SNX29: variants seen among roughly 807,000 people sequenced by gnomAD.
The protein encoded by SNX29 is sorting nexin 29.
SNX29 carries 78 observed loss-of-function variants against 102.1 expected under a neutral mutation model. That is an observed-to-expected ratio of 0.76 (90% CI 0.64 to 0.92). SNX29 has a LOEUF of 0.92. SNX29 is among the 40% of genes least tolerant of loss of function. SNX29 has a pLI of 0.00. For missense variants in SNX29, 1,280 were observed against 1,061.7 expected, an observed-to-expected ratio of 1.21 and a Z score of -2.86; for synonymous variants, 580 against 414.5, an observed-to-expected ratio of 1.40 and a Z score of -4.85.
At position 12,390,149 on chromosome 16, in the gene SNX29, G is replaced by GGGGTGTGTGT. The variant is rs55953631; in HGVS notation, c.1900-8296_1900-8295insGGTGTGTGTG. On this transcript the variant is annotated intron_variant, in intron 16 of 20. Coordinates refer to ENST00000566228, the MANE Select transcript of SNX29 (RefSeq NM_032167.5). ...TGTTACCCCGTGCGTGCAATTGAGG[G>GGGGTGTGTGT]GTGTGTGTGTGTGTGTGTGTGTGTG... 6.9e-3 allele frequency among the ~76,000 whole-genome samples: 1,009 copies of GGGGTGTGTGT among 145,666 alleles called. 9 individuals carry two copies. Among genetic ancestry groups the GGGGTGTGTGT allele is most frequent in the East Asian group, 0.039 (189 of 4,806 alleles).
At chr16:12,120,807 A>T (rs1426688549) in intron 11 of SNX29, among the ~76,000 whole-genome samples, 1 of 152,068 alleles carries the variant, frequency 6.6e-6, no homozygotes, top group African/African-American at 2.4e-5. Context: ...AGGTCATGGT[A>T]ATGATGTATG....
intron 14 of SNX29, among the ~76,000 whole-genome samples, chr16:12,273,635 G>C (rs932366478): frequency 5.3e-5 from 8 of 152,268 alleles, no homozygotes; most frequent in East Asian, 3.9e-4. Context: ...TGGGATTACA[G>C]GCGTGAGCCA....
chr16:12,536,582 C>T (rs1445111749), intron 20 of SNX29, among the ~76,000 whole-genome samples: 2 of 152,140 alleles, frequency 1.3e-5, no homozygotes, highest in Non-Finnish European at 2.9e-5. Context: ...AGAGTTCACA[C>T]CTAGCACAGA....
chr16:12,416,904 T>C (rs972457113), intron 18 of SNX29, among the ~76,000 whole-genome samples: 86 of 152,276 alleles, frequency 5.6e-4, no homozygotes, highest in Admixed American at 3.5e-3. Context: ...AGGGGTGACA[T>C]TGCAACATGA....
At chr16:12,300,612 G>A (rs570926496) in intron 15 of SNX29, among the ~76,000 whole-genome samples, 4 of 152,260 alleles carry the variant, frequency 2.6e-5, no homozygotes, top group South Asian at 4.2e-4. Flanking sequence ...AGAGAGAATA[G>A]CAACACAAGA....
intron 11 of SNX29, among the ~76,000 whole-genome samples, chr16:12,124,765 A>G (rs350201): frequency 0.39 from 59,623 of 151,992 alleles, 12,562 homozygotes; most frequent in African/African-American, 0.55. Flanking sequence ...ATCAGTTTCC[A>G]TTGGTTGAAA....
intron 14 of SNX29, among the ~76,000 whole-genome samples, chr16:12,262,990 T>C (rs1206924101): frequency 2.6e-5 from 4 of 152,202 alleles, no homozygotes; most frequent in African/African-American, 9.6e-5. Flanking sequence ...AGCTCCTTCA[T>C]GTGCAGAATG....
At chr16:12,219,601 G>A (rs1411123228) in intron 14 of SNX29, among the ~76,000 whole-genome samples, 1 of 152,178 alleles carries the variant, frequency 6.6e-6, no homozygotes, top group African/African-American at 2.4e-5. Context: ...TTGTCTGTTC[G>A]TGAAGACCAT....
At chr16:12,343,517 T>C (rs2081677711) in intron 15 of SNX29, among the ~76,000 whole-genome samples, 1 of 152,116 alleles carries the variant, frequency 6.6e-6, no homozygotes, top group South Asian at 2.1e-4. Context: ...GGGGCTTGGG[T>C]GTGAACCTGT....
intron 20 of SNX29, among the ~76,000 whole-genome samples, chr16:12,540,382 C>T (rs889043614): frequency 2.6e-5 from 4 of 152,188 alleles, no homozygotes; most frequent in African/African-American, 7.2e-5. Context: ...GTTGCCCTAC[C>T]AAATTGGCAC....
chr16:12,226,056 C>G (rs576287673), intron 14 of SNX29, among the ~76,000 whole-genome samples: 37 of 152,250 alleles, frequency 2.4e-4, no homozygotes, highest in African/African-American at 7.7e-4. Context: ...CAAATGACTT[C>G]TCTGTTGTTC....
chr16:12,545,368 C>G (rs1479041465), intron 20 of SNX29: 3 of 152,168 alleles, frequency 2.0e-5, no homozygotes, highest in East Asian at 3.9e-4. Context: ...AGTGACAACC[C>G]ATTGTCACAC....
At chr16:12,207,383 TA>T (rs1357517296) in intron 14 of SNX29, among the ~76,000 whole-genome samples, 1 of 151,920 alleles carries the variant, frequency 6.6e-6, no homozygotes, top group East Asian at 1.9e-4. Context: ...TAAAATAAAA[TA>T]AAAAACAAAA....
intron 10 of SNX29, among the ~76,000 whole-genome samples, chr16:12,076,174 T>C (rs1056002618): frequency 6.6e-6 from 1 of 152,188 alleles, no homozygotes; most frequent in African/African-American, 2.4e-5. Context: ...CTGCACCCAC[T>C]GTCTGGCACT....
At position 12,554,411 on chromosome 16, in the gene SNX29, G is replaced by A. The variant is rs768422962; in HGVS notation, c.2319-14095G>A. Among the ~76,000 whole-genome samples, 8 of 152,280 alleles carry A rather than the reference G, an allele frequency of 5.3e-5. No homozygotes were observed. The East Asian group carries it at 5.8e-4, about 11-fold the overall frequency. On this transcript the variant is annotated intron_variant, in intron 20 of 20. Coordinates refer to ENST00000566228, the MANE Select transcript of SNX29 (RefSeq NM_032167.5). The stretch of plus-strand genomic sequence containing the variant: ...CGTGCATGGGTGTGCATCGTCTTCT[G>A]TAATGTCAGCGTGTCCTGCTGTTTC...
chr16:12,482,943 ATATAT>A (rs2088016864), intron 19 of SNX29, among the ~76,000 whole-genome samples: 1 of 152,130 alleles, frequency 6.6e-6, no homozygotes, highest in Non-Finnish European at 1.5e-5. Context: ...GTGTGTAATT[ATATAT>A]TCACAGGATA....
intron 14 of SNX29, among the ~76,000 whole-genome samples, chr16:12,238,664 A>G (rs1286960223): frequency 6.6e-6 from 1 of 152,164 alleles, no homozygotes; most frequent in Admixed American, 6.5e-5. Context: ...GGGACCGCAA[A>G]CCGCTGCATT....
In SNX29 at chr16:12,059,649, C is replaced by A. The variant is rs191734342; in HGVS notation, c.1125-1879C>A. 1.7e-3 allele frequency among the ~76,000 whole-genome samples: 256 copies of A among 152,274 alleles called. 1 individual carries two copies. The highest frequency in any genetic ancestry group is 6.0e-3 in the African/African-American group (248 of 41,548). On this transcript the variant is annotated intron_variant, in intron 8 of 20. Transcript: ENST00000566228. ...GGAGCTGGCAATCCCTGCCTGCGGACCAAACCCGCCCCCAAGCAGTGAACA... is the reference window on the plus strand; with the variant it reads ...GGAGCTGGCAATCCCTGCCTGCGGAACAAACCCGCCCCCAAGCAGTGAACA...
Position 12,562,244 on chromosome 16 carries a change from G to A in SNX29, c.2319-6262G>A, listed in dbSNP as rs1004444120. Reference sequence around the variant, plus strand: ...GGCCAAGTTCAGAAGTGAAGGGCGAGGGCATTCACTAAGCAGCATCCCCAT... The same window carrying A: ...GGCCAAGTTCAGAAGTGAAGGGCGAAGGCATTCACTAAGCAGCATCCCCAT... On this transcript the variant is annotated intron_variant, in intron 20 of 20. Transcript: ENST00000566228. Among the ~76,000 whole-genome samples, 6 of 152,246 alleles carry A rather than the reference G, an allele frequency of 3.9e-5. No homozygotes were observed. In the East Asian group the frequency reaches 7.7e-4, roughly 20 times the overall value.
Sources: gnomAD v4.1 joint callset for allele counts (sites outside exome capture counted in the v4.1 genomes callset) on GRCh38, gnomAD v4.1.1 for gene constraint, MANE v1.5 for transcripts, NCBI Gene and HGNC (gene_info 2026-07-23, HGNC 2026-07-21) for gene names.